PDCD6IP: variants seen among roughly 807,000 people sequenced by gnomAD.
PDCD6IP encodes the protein programmed cell death 6-interacting protein.
Under a neutral mutation model 103.7 loss-of-function variants are expected in PDCD6IP, and 43 were observed. The ratio of observed to expected loss-of-function variants is 0.41; its 90% confidence interval spans 0.32 to 0.53. The LOEUF is 0.53. PDCD6IP is among the 20% of genes least tolerant of loss of function. The probability of loss-of-function intolerance (pLI) is 0.16; values close to 1 mark genes in which losing one functional copy is unlikely to be tolerated. For synonymous variants in PDCD6IP, 354 were observed against 378.7 expected (o/e 0.93, Z 0.76); for missense variants, 871 against 1,036.7 (o/e 0.84, Z 2.20).
At chr3:33,808,225 G>T (rs2125543808) in intron 1 of PDCD6IP, among the ~76,000 whole-genome samples, 1 of 152,238 alleles carries the variant, frequency 6.6e-6, no homozygotes, top group Admixed American at 6.5e-5. Context: ...AATGTTCAGG[G>T]ACCTGAGAGA....
intron 8 of PDCD6IP, 27 bp from the exon 9 acceptor site, chr3:33,838,177 T>G (rs1254940821): frequency 3.1e-6 from 5 of 1,608,064 alleles, no homozygotes; most frequent in Non-Finnish European, 4.2e-6. Flanking sequence ...CTAAAAATTT[T>G]GTTGTAATTT....
intron 8 of PDCD6IP, among the ~76,000 whole-genome samples, 174 bp downstream of exon 8, chr3:33,836,440 A>G (rs1697349994): frequency 6.6e-6 from 1 of 152,266 alleles, no homozygotes; most frequent in Non-Finnish European, 1.5e-5. Context: ...GATGGAAAGT[A>G]AACAATAATA....
Position 33,828,945 on chromosome 3 carries a change from T to G in PDCD6IP, c.810T>G (p.Phe270Leu). 6.2e-7 allele frequency: 1 copy of G among 1,609,550 alleles called. No individual in the cohort carries two copies. The highest frequency in any genetic ancestry group is 8.5e-7 in the Non-Finnish European group (1 of 1,177,450). The part of the protein sequence containing the change: ...QSILAKQQKK[F>L]GEEIARLQHA... ...TCCTGGCAAAACAGCAGAAGAAATT[T>G]GGAGAAGAAATTGCAAGGTTACAGG... Residue 270 changes from phenylalanine (F) to leucine (L), a missense_variant, in exon 7 of 18, where the codon TTT becomes TTG. Coordinates refer to ENST00000307296, the MANE Select transcript of PDCD6IP (RefSeq NM_013374.6).
At chr3:33,840,445 A>G (rs1575929932) in intron 9 of PDCD6IP, among the ~76,000 whole-genome samples, 1 of 152,178 alleles carries the variant, frequency 6.6e-6, no homozygotes, top group South Asian at 2.1e-4. Flanking sequence ...TCAAGGGCCA[A>G]CTGTATTTCT....
chr3:33,818,893 T>C (rs1459195542), intron 3 of PDCD6IP, among the ~76,000 whole-genome samples: 1 of 152,168 alleles, frequency 6.6e-6, no homozygotes, highest in East Asian at 1.9e-4. Flanking sequence ...TCTGTTTCTT[T>C]GCTCTTGGGA....
intron 12 of PDCD6IP, among the ~76,000 whole-genome samples, chr3:33,849,345 A>G (rs562980954): frequency 2.0e-5 from 3 of 151,988 alleles, no homozygotes; most frequent in African/African-American, 7.2e-5. Context: ...CCTCTTTTTC[A>G]TTAGTCTTAG....
In PDCD6IP at chr3:33,844,170, A is replaced by G. The variant is rs2125567787; in HGVS notation, c.1418A>G (p.Lys473Arg). 1 of 1,608,364 alleles carries G rather than the reference A, an allele frequency of 6.2e-7. No individual in the cohort carries two copies. The highest frequency in any genetic ancestry group is 2.2e-5 in the East Asian group (1 of 44,520). Reference sequence around the variant, plus strand: ...GATAATGATTTAAGAGCAAAATTTAAGGAACGTTGGCAAAGGACACCATCC... The same window carrying G: ...GATAATGATTTAAGAGCAAAATTTAGGGAACGTTGGCAAAGGACACCATCC... Reference protein sequence around the residue: ...ATDNDLRAKFKERWQRTPSNE... With the variant: ...ATDNDLRAKFRERWQRTPSNE... Residue 473 changes from lysine to arginine, a missense_variant, in exon 11 of 18, where the codon AAG becomes AGG. Physicochemically the swap from Lys to Arg is conservative, Grantham distance 26. Coordinates refer to ENST00000307296, the MANE Select transcript of PDCD6IP (RefSeq NM_013374.6).
intron 7 of PDCD6IP, among the ~76,000 whole-genome samples, chr3:33,834,520 C>T (rs986583816): frequency 2.6e-5 from 4 of 152,120 alleles, no homozygotes; most frequent in Admixed American, 6.5e-5. Context: ...TTTTGGTTAT[C>T]TTTCTCTAAG....
Position 33,798,855 on chromosome 3 carries a change from G to T in PDCD6IP, c.127G>T (p.Ala43Ser). Reference sequence around the variant, plus strand: ...AGAGCAGGCCCAGTACTGCCGCGCGGCGGAGGAGCTCAGCAAGCTGCGCCG... The same window carrying T: ...AGAGCAGGCCCAGTACTGCCGCGCGTCGGAGGAGCTCAGCAAGCTGCGCCG... ...GEEQAQYCRAAEELSKLRRAA... is the reference protein window; with the variant it reads ...GEEQAQYCRASEELSKLRRAA... Residue 43 changes from alanine to serine, a missense_variant, in exon 1 of 18, where the codon GCG (alanine) becomes TCG (serine). Coordinates refer to ENST00000307296, the MANE Select transcript of PDCD6IP (RefSeq NM_013374.6). 1 of 1,553,392 alleles carries T rather than the reference G, an allele frequency of 6.4e-7. No individual in the cohort carries two copies. The highest frequency in any genetic ancestry group is 8.7e-7 in the Non-Finnish European group (1 of 1,148,206).
At chr3:33,822,789 A>G (rs951626913) in intron 4 of PDCD6IP, among the ~76,000 whole-genome samples, 4 of 151,996 alleles carry the variant, frequency 2.6e-5, no homozygotes, top group Admixed American at 2.6e-4. Context: ...CTGAATAGCT[A>G]GGACTATAGG....
At chr3:33,803,393 G>A (rs888518308) in intron 1 of PDCD6IP, among the ~76,000 whole-genome samples, 3 of 152,146 alleles carry the variant, frequency 2.0e-5, no homozygotes, top group African/African-American at 7.2e-5. Context: ...TTATTTTACT[G>A]AGGTTGAACA....
chr3:33,847,374 A>G (rs570244349), intron 12 of PDCD6IP, among the ~76,000 whole-genome samples: 2 of 152,220 alleles, frequency 1.3e-5, no homozygotes, highest in African/African-American at 2.4e-5. Context: ...TTTATAGTCA[A>G]TACGAAGTAA....
chr3:33,827,020 T>C (rs1375722293), intron 6 of PDCD6IP: 1 of 993,546 alleles, frequency 1.0e-6, no homozygotes, highest in African/African-American at 1.7e-5. Context: ...AAAAGAAAAC[T>C]TAACAAATTC....
In PDCD6IP at chr3:33,844,124, T is replaced by C; in HGVS notation, c.1372T>C (p.Leu458=). 6.3e-7 allele frequency: 1 copy of C among 1,594,252 alleles called. No homozygotes were observed. Among genetic ancestry groups the C allele is most frequent in the Non-Finnish European group, 8.5e-7 (1 of 1,173,614 alleles). Residue 458 remains leucine, a synonymous_variant, in exon 11 of 18, where the codon TTG becomes CTG. Transcript: ENST00000307296. ...CTTCCTTTTAAAGTCATTAAGGTTG[T>C]TGGATGAAGAAGAAGCAACCGATAA... The part of the protein sequence containing the change: ...REILDESLRL[L]DEEEATDNDL...
intron 3 of PDCD6IP, among the ~76,000 whole-genome samples, chr3:33,818,324 T>G (rs1696905296): frequency 6.6e-6 from 1 of 151,148 alleles, no homozygotes; most frequent in Non-Finnish European, 1.5e-5. Flanking sequence ...GCCAGGCTGG[T>G]CTCGAACTCC....
intron 9 of PDCD6IP, among the ~76,000 whole-genome samples, chr3:33,840,808 CTA>C (rs1415736551): frequency 1.3e-5 from 2 of 152,034 alleles, no homozygotes; most frequent in Non-Finnish European, 2.9e-5. Flanking sequence ...GAAATTATAA[CTA>C]TTGATTCTGT....
intron 7 of PDCD6IP, among the ~76,000 whole-genome samples, chr3:33,834,215 G>A (rs1176010403): frequency 6.6e-6 from 1 of 152,102 alleles, no homozygotes; most frequent in Non-Finnish European, 1.5e-5. Context: ...TCCCCTGGTG[G>A]CATGATAGGG....
At chr3:33,816,027 T>C (rs1051107401) in intron 3 of PDCD6IP, among the ~76,000 whole-genome samples, 3 of 151,924 alleles carry the variant, frequency 2.0e-5, no homozygotes, top group African/African-American at 4.8e-5. Context: ...CAGGGTAAAA[T>C]AGAGATGTGA....
At chr3:33,847,872 T>C (rs1224175511) in intron 12 of PDCD6IP, among the ~76,000 whole-genome samples, 1 of 152,140 alleles carries the variant, frequency 6.6e-6, no homozygotes, top group Non-Finnish European at 1.5e-5. Flanking sequence ...CTAATGTATA[T>C]GGGGCTGAGT....
Sources: allele counts gnomAD v4.1 joint callset (sites outside exome capture counted in the v4.1 genomes callset), GRCh38; gene constraint gnomAD v4.1.1; transcripts MANE v1.5; gene names NCBI Gene and HGNC (gene_info 2026-07-23, HGNC 2026-07-21).